MACROD2: variants seen among roughly 807,000 people sequenced by gnomAD.
MACROD2 encodes mono-ADP ribosylhydrolase 2.
Under a neutral mutation model 70.4 loss-of-function variants are expected in MACROD2, and 36 were observed. The ratio of observed to expected loss-of-function variants is 0.51; its 90% confidence interval spans 0.39 to 0.68. The LOEUF is 0.68. MACROD2 is among the 30% of genes least tolerant of loss of function. The pLI, the probability that MACROD2 is intolerant of heterozygous loss-of-function variation, is 0.00. For synonymous variants in MACROD2, 172 were observed against 178.8 expected (o/e 0.96, Z 0.30); for missense variants, 496 against 538.4 (o/e 0.92, Z 0.78).
intron 4 of MACROD2, among the ~76,000 whole-genome samples, chr20:14,619,646 A>T (rs1163353142): frequency 6.6e-6 from 1 of 151,988 alleles, no homozygotes; most frequent in Non-Finnish European, 1.5e-5. Flanking sequence ...ACCCATTTGT[A>T]TTCCCTATTT....
chr20:15,734,719 T>C (rs1241268898), intron 8 of MACROD2, among the ~76,000 whole-genome samples: 1 of 152,224 alleles, frequency 6.6e-6, no homozygotes, highest in East Asian at 1.9e-4. Flanking sequence ...TATGTGTCTA[T>C]ATATAGAAAT....
intron 4 of MACROD2, among the ~76,000 whole-genome samples, chr20:14,501,926 T>C (rs2084919293): frequency 6.6e-6 from 1 of 152,236 alleles, no homozygotes; most frequent in Non-Finnish European, 1.5e-5. Flanking sequence ...AGGATATGTC[T>C]ACATATCTTC....
intron 5 of MACROD2, among the ~76,000 whole-genome samples, chr20:15,090,648 G>A (rs2075786031): frequency 6.6e-6 from 1 of 152,102 alleles, no homozygotes; most frequent in South Asian, 2.1e-4. Flanking sequence ...GTTTGGTGAT[G>A]AGTGGGCAAA....
chr20:14,758,772 T>A (rs952783225), intron 5 of MACROD2, among the ~76,000 whole-genome samples: 14 of 152,138 alleles, frequency 9.2e-5, no homozygotes, highest in African/African-American at 3.4e-4. Context: ...TCTTTAGGAT[T>A]TCAGTATCAG....
chr20:14,098,278 G>C (rs1601220997), intron 3 of MACROD2, among the ~76,000 whole-genome samples: 1 of 152,216 alleles, frequency 6.6e-6, no homozygotes, highest in African/African-American at 2.4e-5. Context: ...AGCTTTAGCT[G>C]TGACAGTATT....
chr20:15,024,428 G>C (rs1472243639), intron 5 of MACROD2, among the ~76,000 whole-genome samples: 1 of 152,068 alleles, frequency 6.6e-6, no homozygotes, highest in Non-Finnish European at 1.5e-5. Context: ...TGTATTCTTA[G>C]AGTAACCTGT....
intron 5 of MACROD2, among the ~76,000 whole-genome samples, chr20:15,118,195 A>ATTTTTTT (rs140809606): frequency 8.8e-6 from 1 of 113,786 alleles, no homozygotes; most frequent in African/African-American, 2.7e-5. Context: ...TTTAATTTTA[A>ATTTTTTT]ATTTTTTTTT....
At chr20:14,804,738 T>C (rs993717841) in intron 5 of MACROD2, among the ~76,000 whole-genome samples, 5 of 152,036 alleles carry the variant, frequency 3.3e-5, no homozygotes, top group African/African-American at 4.8e-5. Flanking sequence ...GAAAGCCTCC[T>C]GTTGCCGTGG....
At chr20:14,012,962 G>C (rs1031057170) in intron 2 of MACROD2, among the ~76,000 whole-genome samples, 1 of 152,060 alleles carries the variant, frequency 6.6e-6, no homozygotes, top group Admixed American at 6.6e-5. Flanking sequence ...CCTTTCTCTT[G>C]ACTGAATGGC....
rs1024556745 is a variant in MACROD2 at position 15,841,755 on chromosome 20, T to C, written c.646-20990T>C. On this transcript the variant is annotated intron_variant, in intron 8 of 17. Transcript: ENST00000684519. ...TGTCAAGGGAGGAGACTTAGAATGA[T>C]GGTGGGAGGTCTAGGCTGTGGTGCT... Among the ~76,000 whole-genome samples, 5 of 151,970 alleles carry C rather than the reference T, an allele frequency of 3.3e-5. No homozygotes were observed. In the East Asian group the frequency reaches 9.7e-4, roughly 30 times the overall value.
chr20:15,508,223 A>T (rs1349180058), intron 8 of MACROD2, among the ~76,000 whole-genome samples: 5 of 151,640 alleles, frequency 3.3e-5, no homozygotes, highest in Non-Finnish European at 5.9e-5. Flanking sequence ...TATGTCCATT[A>T]TGCCCCACTG....
chr20:15,919,277 A>G (rs1375445102), intron 10 of MACROD2, among the ~76,000 whole-genome samples: 1 of 152,150 alleles, frequency 6.6e-6, no homozygotes, highest in Admixed American at 6.5e-5. Context: ...GCAATGCATA[A>G]TTGTCTGTGG....
intron 5 of MACROD2, among the ~76,000 whole-genome samples, chr20:15,206,257 A>G (rs769796347): frequency 1.8e-4 from 27 of 152,228 alleles, no homozygotes; most frequent in Non-Finnish European, 3.5e-4. Context: ...TTGCTGTACC[A>G]TAAGTAATTT....
intron 5 of MACROD2, among the ~76,000 whole-genome samples, chr20:15,198,448 A>T (rs1179394930): frequency 6.6e-6 from 1 of 152,230 alleles, no homozygotes; most frequent in Non-Finnish European, 1.5e-5. Flanking sequence ...TTTACTGCTC[A>T]GAGATAATTA....
chr20:14,642,171 G>T (rs1340996687), intron 4 of MACROD2, among the ~76,000 whole-genome samples: 2 of 152,144 alleles, frequency 1.3e-5, no homozygotes, highest in African/African-American at 4.8e-5. Context: ...TAATCCTCAT[G>T]AACCAACCTC....
At chr20:15,021,358 A>G (rs2075182264) in intron 5 of MACROD2, among the ~76,000 whole-genome samples, 1 of 90,022 alleles carries the variant, frequency 1.1e-5, no homozygotes, top group African/African-American at 5.0e-5. Flanking sequence ...AGATGTATAC[A>G]CATGTGTGTA....
intron 7 of MACROD2, among the ~76,000 whole-genome samples, chr20:15,480,998 A>T (rs979395214): frequency 9.2e-5 from 14 of 152,162 alleles, no homozygotes; most frequent in South Asian, 4.1e-4. Context: ...CATTTAAAAC[A>T]TCTATGGAAA....
intron 3 of MACROD2, among the ~76,000 whole-genome samples, chr20:14,276,402 TCA>T (rs2082256845): frequency 7.1e-6 from 1 of 141,730 alleles, no homozygotes; most frequent in Admixed American, 7.4e-5. Context: ...CCGCATGTTC[TCA>T]CTCATAGGTG....
chr20:15,953,264 A>G (rs1415245884), intron 12 of MACROD2, among the ~76,000 whole-genome samples: 2 of 152,128 alleles, frequency 1.3e-5, no homozygotes, highest in Non-Finnish European at 2.9e-5. Context: ...ACAAAATTAT[A>G]ACTAGATCGA....
Sources: gnomAD v4.1 joint callset for allele counts (sites outside exome capture counted in the v4.1 genomes callset) on GRCh38, gnomAD v4.1.1 for gene constraint, MANE v1.5 for transcripts, NCBI Gene and HGNC (gene_info 2026-07-23, HGNC 2026-07-21) for gene names.